Variants in CDK11A observed in about 807,000 individuals in gnomAD.
The protein encoded by CDK11A is cyclin-dependent kinase 11A.
Under a neutral mutation model 83.6 loss-of-function variants are expected in CDK11A, and 55 were observed. The observed-to-expected ratio is 0.66, with a 90% CI of 0.53 to 0.82. The LOEUF (loss-of-function observed/expected upper bound fraction) is 0.82. CDK11A is among the 40% of genes least tolerant of loss of function. The probability of loss-of-function intolerance (pLI) is 0.00; values close to 1 mark genes in which losing one functional copy is unlikely to be tolerated. For missense variants in CDK11A, 564 were observed against 810.1 expected, an observed-to-expected ratio of 0.70 and a Z score of 3.69; for synonymous variants, 247 against 302.7, an observed-to-expected ratio of 0.82 and a Z score of 1.91.
At chr1:1,708,625 A>G (rs2101196816) in intron 9 of CDK11A, among the ~76,000 whole-genome samples, 169 bp downstream of exon 9, 1 of 132,748 alleles carries the variant, frequency 7.5e-6, no homozygotes, top group Non-Finnish European at 1.6e-5. Context: ...TGGGCAACAG[A>G]TCAAGATTCC....
Position 1,702,633 on chromosome 1 carries a change from C to T in CDK11A, c.*274G>A, listed in dbSNP as rs1429556975. 95 of 523,388 alleles carry T rather than the reference C, an allele frequency of 1.8e-4. No homozygotes were observed. Among genetic ancestry groups the T allele is most frequent in the Middle Eastern group, 5.3e-4 (1 of 1,886 alleles). The allele number at this position is 523,388 out of a possible 1,614,324, so 32.4% of individuals were successfully genotyped here. A position where few individuals can be genotyped will look rare whatever the true frequency, so the allele number is the denominator to read the frequency against. On this transcript the variant is annotated 3_prime_UTR_variant, in exon 20 of 20. Transcript: ENST00000404249. ...TTCCAAATCACGGCCCAGCCAGCCC[C>T]GTGCGTGTCGAGAGTGGGAGAGGGT...
chr1:1,718,499 G>A (rs1473278792), intron 4 of CDK11A, among the ~76,000 whole-genome samples: 2 of 148,970 alleles, frequency 1.3e-5, no homozygotes, highest in African/African-American at 5.0e-5. Flanking sequence ...TTTTCGGTCT[G>A]TGATACACGC....
At chr1:1,705,955 C>T (rs1644290480) in intron 11 of CDK11A, among the ~76,000 whole-genome samples, 1 of 149,046 alleles carries the variant, frequency 6.7e-6, no homozygotes, top group Admixed American at 6.7e-5. Context: ...AACAAAAGGC[C>T]ATCCCAGCCA....
chr1:1,716,368 T>C lies in CDK11A; in HGVS notation c.466A>G (p.Arg156Gly). The change falls in exon 5 of 20, where the codon AGG becomes GGG. Residue 156 changes from arginine to glycine, a missense_variant. Arg to Gly is a moderately radical substitution (Grantham distance 125). Transcript: ENST00000404249. ...CACCTTTCTCTCCTGGAATGCTCCC[T>C]TGCCATTTCCCTTCTCTTCTGTCTT... ...WERQKRREMA[R>G]EHSRRERDRL... The C allele has an allele frequency of 1.2e-6, 2 of 1,609,210 alleles. No homozygotes were observed.
intron 9 of CDK11A, 68 bp from the exon 10 acceptor site, chr1:1,708,313 G>A (rs1644398338): frequency 7.0e-7 from 1 of 1,429,190 alleles, no homozygotes; most frequent in Non-Finnish European, 9.4e-7. Context: ...CAGGATGCGG[G>A]CTCCGCTTCA....
chr1:1,716,428 G>C lies in CDK11A; in HGVS notation c.406C>G (p.Arg136Gly), dbSNP rs1240371604. The change falls in exon 5 of 20, where the codon CGA becomes GGA. Residue 136 changes from arginine to glycine, a missense_variant. Arg to Gly is a moderately radical substitution (Grantham distance 125, BLOSUM62 -2). This residue lies in a region of CDK11A where 151 missense variants were observed against 147.4 expected (regional missense o/e 1.02). Transcript: ENST00000404249. ...EREHERRKRH[R>G]EEQDKARREW... is the part of the protein sequence containing the mutation. ...CGGCGAGCTTTATCCTGTTCTTCTC[G>C]ATGTCGTTTCCGACGTTCGTGCTCT... 1.2e-6 allele frequency: 2 copies of C among 1,607,980 alleles called. No homozygotes were observed. Among genetic ancestry groups the C allele is most frequent in the Non-Finnish European group, 1.7e-6 (2 of 1,175,920 alleles).
chr1:1,706,077 CT>C (rs1247462102), intron 11 of CDK11A, among the ~76,000 whole-genome samples: 1 of 150,340 alleles, frequency 6.7e-6, no homozygotes, highest in Admixed American at 6.6e-5. Flanking sequence ...ACTCTGTTTT[CT>C]TTTTTTCTTT....
chr1:1,721,334 T>C lies in CDK11A; in HGVS notation c.227+262A>G, dbSNP rs1222017180. ...AACCCTAGGGAAGAGTAAACCTCAA[T>C]AGTTAAAACAGCACACCCCGTCACA... On this transcript the variant is annotated intron_variant, in intron 3 of 19. Coordinates refer to ENST00000404249, the MANE Select transcript of CDK11A (RefSeq NM_024011.4). 2.0e-5 allele frequency among the ~76,000 whole-genome samples: 3 copies of C among 150,162 alleles called. 1 individual carries two copies. The highest frequency in any genetic ancestry group is 7.4e-5 in the African/African-American group (3 of 40,600).
chr1:1,718,403 G>T (rs113724699), intron 4 of CDK11A, among the ~76,000 whole-genome samples: 218 of 80,514 alleles, frequency 2.7e-3, no homozygotes, highest in Middle Eastern at 0.014. Context: ...GACACACGCA[G>T]GCTTTTAGCT....
chr1:1,719,557 T>C (rs74223875), intron 3 of CDK11A, 102 bp from the exon 4 acceptor site: 5 of 937,398 alleles, frequency 5.3e-6, no homozygotes, highest in South Asian at 3.0e-5. Context: ...ATGATTCAGA[T>C]AGGAACGAAG....
chr1:1,704,828 C>T, intron 13 of CDK11A, 76 bp downstream of exon 13: 1 of 1,604,914 alleles, frequency 6.2e-7, no homozygotes, highest in Non-Finnish European at 8.5e-7. Context: ...GTAGGAAGCA[C>T]CCGGCCCCAG....
intron 5 of CDK11A, 114 bp downstream of exon 5, chr1:1,716,232 T>C: frequency 8.2e-7 from 1 of 1,219,102 alleles, no homozygotes; most frequent in South Asian, 1.4e-5. Flanking sequence ...TGTTTCCATG[T>C]CTACCACTTC....
chr1:1,721,150 G>A (rs1220281884), intron 3 of CDK11A, among the ~76,000 whole-genome samples: 1 of 149,856 alleles, frequency 6.7e-6, no homozygotes, highest in Admixed American at 6.7e-5. Flanking sequence ...CCGAGATGGC[G>A]CCACTGCACT....
chr1:1,716,054 G>C (rs111353499), intron 5 of CDK11A, among the ~76,000 whole-genome samples: 2 of 150,736 alleles, frequency 1.3e-5, no homozygotes, highest in Admixed American at 6.7e-5. Context: ...AGCCTCGTAA[G>C]TGCTGGAATT....
intron 6 of CDK11A, among the ~76,000 whole-genome samples, chr1:1,712,055 G>A (rs1377940944): frequency 1.7e-5 from 2 of 119,930 alleles, no homozygotes; most frequent in Non-Finnish European, 3.8e-5. Flanking sequence ...ACTTGAACCC[G>A]GGGGGCAGAG....
Position 1,722,795 on chromosome 1 carries a change from C to T in CDK11A, c.24G>A (p.Trp8Ter), listed in dbSNP as rs1644956403. ...GAATTTCATCTAAAGTTTTCACTTT[C>T]CAAGAGTCCTTTTCATCACCCATTT... is the stretch of plus-strand genomic sequence containing the variant. MGDEKDS[W>*]KVKTLDEILQ... Residue 8 changes from tryptophan to a stop codon, truncating the protein, a stop_gained, in exon 2 of 20, where the codon TGG becomes TGA. Coordinates refer to ENST00000404249, the MANE Select transcript of CDK11A (RefSeq NM_024011.4). LOFTEE classifies it high-confidence loss of function. The T allele has an allele frequency of 7.0e-7, 1 of 1,430,372 alleles. No individual in the cohort carries two copies. The highest frequency in any genetic ancestry group is 9.3e-7 in the Non-Finnish European group (1 of 1,071,402). The allele number at this position is 1,430,372 out of a possible 1,614,324, so 88.6% of individuals were successfully genotyped here.
At chr1:1,704,399 C>G (rs564803652) in intron 14 of CDK11A, 55 bp from the exon 15 acceptor site, 7 of 1,597,672 alleles carry the variant, frequency 4.4e-6, no homozygotes, top group African/African-American at 4.0e-5. Context: ...CCAGGGCACT[C>G]AGGGTGGCCC....
chr1:1,716,327 A>G lies in CDK11A; in HGVS notation c.488+19T>C, dbSNP rs1214352944. The G allele has an allele frequency of 6.2e-7, 1 of 1,607,016 alleles. No individual in the cohort carries two copies. Among genetic ancestry groups the G allele is most frequent in the Non-Finnish European group, 8.5e-7 (1 of 1,175,568 alleles). On this transcript the variant is annotated intron_variant, in intron 5 of 19. Transcript: ENST00000404249. Reference sequence around the variant, plus strand: ...CCACGGCCCTTTCATAAAGTCCTCAACTGACCCAGCCCACTCACCTTTCTC... The same window carrying G: ...CCACGGCCCTTTCATAAAGTCCTCAGCTGACCCAGCCCACTCACCTTTCTC...
chr1:1,703,404 C>T, intron 18 of CDK11A, 72 bp downstream of exon 18: 1 of 1,263,564 alleles, frequency 7.9e-7, no homozygotes, highest in African/African-American at 3.1e-5. Flanking sequence ...GGTGAGCCAG[C>T]AGGTAGGCCT....
Sources: gnomAD v4.1 joint callset for allele counts (sites outside exome capture counted in the v4.1 genomes callset) on GRCh38, gnomAD v4.1.1 for gene constraint, gnomAD v4.1.1 regional missense constraint, MANE v1.5 for transcripts, NCBI Gene and HGNC (gene_info 2026-07-23, HGNC 2026-07-21) for gene names.